BAZ2B: variants seen among roughly 807,000 people sequenced by gnomAD.
The protein encoded by BAZ2B is bromodomain adjacent to zinc finger domain protein 2B.
Under a neutral mutation model 246.0 loss-of-function variants are expected in BAZ2B, and 91 were observed. That is an observed-to-expected ratio of 0.37 (90% CI 0.31 to 0.44). The LOEUF (loss-of-function observed/expected upper bound fraction) is 0.44. Ranked by LOEUF, BAZ2B falls within the 20% of genes least tolerant of loss-of-function variation. BAZ2B has a pLI of 1.00. For missense variants in BAZ2B, 2,332 were observed against 2,533.7 expected, an observed-to-expected ratio of 0.92 and a Z score of 1.71; for synonymous variants, 855 against 860.0, an observed-to-expected ratio of 0.99 and a Z score of 0.10.
chr2:159,489,846 T>C (rs1036925982), intron 2 of BAZ2B, among the ~76,000 whole-genome samples: 1 of 152,126 alleles, frequency 6.6e-6, no homozygotes, highest in African/African-American at 2.4e-5. Flanking sequence ...CCAGGAGTTT[T>C]AGGCTGCAAT....
chr2:159,692,128 C>T, the BAZ2B span, among the ~76,000 whole-genome samples: 1 of 151,956 alleles, frequency 6.6e-6, no homozygotes, highest in African/African-American at 2.4e-5. Flanking sequence ...ATATTTCATG[C>T]ATTCATGATA....
the BAZ2B span, among the ~76,000 whole-genome samples, chr2:159,627,068 A>T: frequency 2.6e-5 from 4 of 152,220 alleles, no homozygotes; most frequent in African/African-American, 9.6e-5. Context: ...GAAAATCTAG[A>T]AGAAATGGAT....
the BAZ2B span, among the ~76,000 whole-genome samples, chr2:159,669,973 T>C: frequency 6.6e-6 from 1 of 152,138 alleles, no homozygotes; most frequent in East Asian, 1.9e-4. Context: ...GCTCTTTCTT[T>C]CCTCTTTTTT....
At chr2:159,527,767 A>G (rs1473018318) in intron 2 of BAZ2B, among the ~76,000 whole-genome samples, 3 of 152,214 alleles carry the variant, frequency 2.0e-5, no homozygotes, top group Non-Finnish European at 4.4e-5. Flanking sequence ...TCAGATACAC[A>G]CAGGAGAAAA....
chr2:159,634,760 G>A, the BAZ2B span, among the ~76,000 whole-genome samples: 3 of 152,140 alleles, frequency 2.0e-5, no homozygotes, highest in Admixed American at 6.5e-5. Flanking sequence ...TCTGGAAAGC[G>A]TTTACTGTTT....
intron 2 of BAZ2B, among the ~76,000 whole-genome samples, chr2:159,485,070 A>G (rs2079667144): frequency 6.6e-6 from 1 of 152,192 alleles, no homozygotes; most frequent in African/African-American, 2.4e-5. Flanking sequence ...GGTAGTCACT[A>G]TGCTACTTCT....
chr2:159,462,452 T>C, intron 3 of BAZ2B: 1 of 1,208,992 alleles, frequency 8.3e-7, no homozygotes, highest in Non-Finnish European at 1.2e-6. Context: ...CCAGTCAATT[T>C]TGGTGCGGGT....
chr2:159,672,855 G>A, the BAZ2B span, among the ~76,000 whole-genome samples: 1 of 152,024 alleles, frequency 6.6e-6, no homozygotes, highest in African/African-American at 2.4e-5. Flanking sequence ...AAACATATGC[G>A]TACACCTCAA....
chr2:159,593,977 A>G (rs1689999160), intron 1 of BAZ2B, among the ~76,000 whole-genome samples: 2 of 152,246 alleles, frequency 1.3e-5, no homozygotes, highest in African/African-American at 4.8e-5. Flanking sequence ...GTGTACAATT[A>G]GCTGGCATTA....
At chr2:159,683,969 C>A in the BAZ2B span, among the ~76,000 whole-genome samples, 1 of 152,200 alleles carries the variant, frequency 6.6e-6, no homozygotes, top group African/African-American at 2.4e-5. Context: ...TCAGCCTACA[C>A]AGTAGGCAAC....
At chr2:159,333,886 GGC>G (rs2065186874) in intron 33 of BAZ2B, among the ~76,000 whole-genome samples, 1 of 151,890 alleles carries the variant, frequency 6.6e-6, no homozygotes, top group South Asian at 2.1e-4. Flanking sequence ...TATTAACATT[GGC>G]GCGGTTACCA....
At chr2:159,657,523 TTC>T in the BAZ2B span, among the ~76,000 whole-genome samples, 1 of 152,178 alleles carries the variant, frequency 6.6e-6, no homozygotes, top group Non-Finnish European at 1.5e-5. Context: ...TTGATTGAGA[TTC>T]TGTTAAATCT....
intron 2 of BAZ2B, among the ~76,000 whole-genome samples, chr2:159,500,935 C>G (rs1206755220): frequency 1.4e-5 from 2 of 146,194 alleles, no homozygotes; most frequent in Non-Finnish European, 3.0e-5. Context: ...GCCTGGGTGA[C>G]AGAGCAAGAC....
chr2:159,674,922 A>C, the BAZ2B span, among the ~76,000 whole-genome samples: 31 of 152,332 alleles, frequency 2.0e-4, no homozygotes, highest in African/African-American at 7.2e-4. Context: ...CTACCTTAAA[A>C]GTCTATTGTT....
At chr2:159,672,218 C>A in the BAZ2B span, among the ~76,000 whole-genome samples, 1 of 152,116 alleles carries the variant, frequency 6.6e-6, no homozygotes, top group African/African-American at 2.4e-5. Context: ...TCAATTGAGA[C>A]AATTAGGATT....
chr2:159,666,170 T>A, the BAZ2B span, among the ~76,000 whole-genome samples: 1 of 152,292 alleles, frequency 6.6e-6, no homozygotes, highest in South Asian at 2.1e-4. Context: ...CACTGCATTT[T>A]CATTTTATTA....
chr2:159,406,947 G>A (rs1286130916), intron 14 of BAZ2B, among the ~76,000 whole-genome samples: 1 of 151,626 alleles, frequency 6.6e-6, no homozygotes, highest in Non-Finnish European at 1.5e-5. Flanking sequence ...GTAGAGACGG[G>A]GTTTCACCGT....
At chr2:159,604,744 T>C (rs1360485341) in intron 1 of BAZ2B, among the ~76,000 whole-genome samples, 1 of 152,070 alleles carries the variant, frequency 6.6e-6, no homozygotes, top group Non-Finnish European at 1.5e-5. Flanking sequence ...TAAATGTTGA[T>C]GGGAAGTTGG....
At chr2:159,374,015 T>C (rs2061135632) in intron 26 of BAZ2B, among the ~76,000 whole-genome samples, 1 of 151,798 alleles carries the variant, frequency 6.6e-6, no homozygotes, top group Non-Finnish European at 1.5e-5. Flanking sequence ...TTTGTTCTTA[T>C]AAAAAGCTCA....
Sources: gnomAD v4.1 joint callset for allele counts (sites outside exome capture counted in the v4.1 genomes callset) on GRCh38, gnomAD v4.1.1 for gene constraint, MANE v1.5 for transcripts, NCBI Gene and HGNC (gene_info 2026-07-23, HGNC 2026-07-21) for gene names.